Variants in GET4 observed in about 807,000 individuals in gnomAD.
GET4 encodes the protein Golgi to ER traffic protein 4 homolog.
Under a neutral mutation model 40.0 loss-of-function variants are expected in GET4, and 20 were observed. The ratio of observed to expected loss-of-function variants is 0.50; its 90% confidence interval spans 0.35 to 0.73. The LOEUF is 0.73. Ranked by LOEUF, GET4 falls within the 30% of genes least tolerant of loss-of-function variation. The pLI is 0.01. For synonymous variants in GET4, 280 were observed against 194.6 expected, an observed-to-expected ratio of 1.44 and a Z score of -3.65; for missense variants, 557 against 454.0, an observed-to-expected ratio of 1.23 and a Z score of -2.06.
intron 1 of GET4, among the ~76,000 whole-genome samples, chr7:877,540 C>G (rs1291655121): frequency 8.8e-6 from 1 of 113,126 alleles, no homozygotes; most frequent in African/African-American, 3.7e-5. Context: ...AACCCCGGCT[C>G]TCTCCCCAGC....
At chr7:881,196 T>C (rs1033985162) in intron 1 of GET4, 3 of 152,194 alleles carry the variant, frequency 2.0e-5, no homozygotes, top group Non-Finnish European at 4.4e-5. Context: ...TCAATAAATA[T>C]ATGTAATTGC....
At chr7:888,875 C>G (rs1007688069) in intron 4 of GET4, among the ~76,000 whole-genome samples, 1 of 152,256 alleles carries the variant, frequency 6.6e-6, no homozygotes. Context: ...GAGCTGCCCC[C>G]ACCCCCTGCC....
At chr7:887,026 A>G (rs12374723) in intron 3 of GET4, 10,591 of 533,250 alleles carry the variant, frequency 0.02, 419 homozygotes, top group East Asian at 0.15. Context: ...GCCTGGCTGC[A>G]AGTCCCACTC....
intron 8 of GET4, among the ~76,000 whole-genome samples, chr7:895,120 G>A (rs1331379553): frequency 2.0e-5 from 3 of 151,986 alleles, no homozygotes; most frequent in Non-Finnish European, 4.4e-5. Flanking sequence ...GTCCCCCGTG[G>A]CTGCTCCATG....
At chr7:878,982 C>A (rs559398124) in intron 1 of GET4, among the ~76,000 whole-genome samples, 2 of 152,028 alleles carry the variant, frequency 1.3e-5, no homozygotes, top group African/African-American at 4.8e-5. Context: ...AGACACCCCC[C>A]CCCGAGTAGA....
Position 886,060 on chromosome 7 carries a change from A to G in GET4, c.160A>G (p.Met54Val), listed in dbSNP as rs201433067. 31 of 1,596,564 alleles carry G rather than the reference A, an allele frequency of 1.9e-5. No individual in the cohort carries two copies. In the South Asian group the frequency reaches 2.5e-4, roughly 13 times the overall value. The change falls in exon 2 of 9, where the codon ATG (methionine) becomes GTG (valine). Residue 54 changes from methionine to valine, a missense_variant. Transcript: ENST00000265857. ...QMYRTLFFRY[M>V]SQSKHTEARE... Reference sequence around the variant, plus strand: ...ACGGTCTCCTCTCTGTGGCAGGTACATGTCCCAGAGCAAGCACACGGAGGC... The same window carrying G: ...ACGGTCTCCTCTCTGTGGCAGGTACGTGTCCCAGAGCAAGCACACGGAGGC...
In GET4 at chr7:884,620, G is replaced by T; in HGVS notation, c.156-1436G>T. The T allele has an allele frequency of 1.2e-5, 3 of 248,510 alleles. No homozygotes were observed. The South Asian group carries it at 1.2e-4, about 10-fold the overall frequency. The allele number at this position is 248,510 out of a possible 1,614,324, so 15.4% of individuals were successfully genotyped here. A position where few individuals can be genotyped will look rare whatever the true frequency, so the allele number is the denominator to read the frequency against. Reference sequence around the variant, plus strand: ...GATGTGGCGGGGCTGTCTGTGTTTGGGGTCCCTGGCTGTGGTGCCTTCTGA... The same window carrying T: ...GATGTGGCGGGGCTGTCTGTGTTTGTGGTCCCTGGCTGTGGTGCCTTCTGA... On this transcript the variant is annotated intron_variant, in intron 1 of 8. Coordinates refer to ENST00000265857, the MANE Select transcript of GET4 (RefSeq NM_015949.3).
At chr7:895,079 G>GT (rs1203264345) in intron 8 of GET4, among the ~76,000 whole-genome samples, 2 of 151,468 alleles carry the variant, frequency 1.3e-5, no homozygotes, top group East Asian at 3.9e-4. Context: ...CCATGGCCCC[G>GT]TTGGTGGACG....
rs1371163787 is a variant in GET4, at chr7:876,559, G to A, written c.-87G>A. On this transcript the variant is annotated 5_prime_UTR_variant, in exon 1 of 9. Transcript: ENST00000265857. ...GACTCCTCGCGGGCCACCGTAGAAG[G>A]GCGTCGGGCGGCCGTCGGGACGGAA... 6.4e-6 allele frequency: 7 copies of A among 1,097,790 alleles called. No homozygotes were observed. Among genetic ancestry groups the A allele is most frequent in the Non-Finnish European group, 6.7e-6 (6 of 893,234 alleles). The allele number at this position is 1,097,790 out of a possible 1,614,324, so 68.0% of individuals were successfully genotyped here. A position where few individuals can be genotyped will look rare whatever the true frequency, so the allele number is the denominator to read the frequency against.
Position 892,323 on chromosome 7 carries a change from G to C in GET4, c.651G>C (p.Thr217=), listed in dbSNP as rs11543218. The stretch of plus-strand genomic sequence containing the variant: ...AAAGTAGCGCATCGGTGGTCTTCAC[G>C]ACGTACACCCAGAAGCACCCGTCCA... ...KNKSSASVVF[T]TYTQKHPSIE... is the part of the protein sequence containing the mutation. Residue 217 remains threonine (T), a synonymous_variant, in exon 6 of 9, where the codon ACG becomes ACC. Transcript: ENST00000265857. 1.3e-6 allele frequency: 2 copies of C among 1,595,148 alleles called. No homozygotes were observed. The highest frequency in any genetic ancestry group is 1.1e-5 in the South Asian group (1 of 90,686).
intron 5 of GET4, 50 bp from the exon 6 acceptor site, chr7:892,228 A>G (rs1160543803): frequency 1.1e-5 from 17 of 1,568,526 alleles, no homozygotes; most frequent in Admixed American, 1.8e-5. Flanking sequence ...CTGTGCGGGC[A>G]GAAGCTGTGT....
chr7:879,323 T>G (rs2128626361), intron 1 of GET4, among the ~76,000 whole-genome samples: 1 of 152,322 alleles, frequency 6.6e-6, no homozygotes, highest in South Asian at 2.1e-4. Flanking sequence ...CAAGCGAAGG[T>G]GGACTCAGCA....
At chr7:878,644 T>A (rs1474300159) in intron 1 of GET4, among the ~76,000 whole-genome samples, 2 of 149,698 alleles carry the variant, frequency 1.3e-5, no homozygotes, top group African/African-American at 4.9e-5. Flanking sequence ...AATGGTGGGA[T>A]CTCGGCTCAC....
intron 5 of GET4, among the ~76,000 whole-genome samples, chr7:891,974 G>A (rs528342936): frequency 6.6e-6 from 1 of 152,392 alleles, no homozygotes; most frequent in African/African-American, 2.4e-5. Flanking sequence ...CCTGACCGGT[G>A]CGGGCGGCCT....
chr7:886,875 C>T (rs1440899028), intron 3 of GET4, among the ~76,000 whole-genome samples: 1 of 152,256 alleles, frequency 6.6e-6, no homozygotes, highest in Non-Finnish European at 1.5e-5. Flanking sequence ...GATTCGTAGG[C>T]AGGGCATGAC....
At chr7:878,170 C>T (rs1844006878) in intron 1 of GET4, 5 of 436,500 alleles carry the variant, frequency 1.1e-5, no homozygotes, top group African/African-American at 2.0e-5. Flanking sequence ...AGGGCGAGCG[C>T]GAGCAGAGCT....
Position 876,675 on chromosome 7 carries a change from G to C in GET4, c.30G>C (p.Gln10His). 7.5e-7 allele frequency: 1 copy of C among 1,334,172 alleles called. No homozygotes were observed. Among genetic ancestry groups the C allele is most frequent in the Non-Finnish European group, 9.7e-7 (1 of 1,030,086 alleles). The allele number at this position is 1,334,172 out of a possible 1,614,324, so 82.6% of individuals were successfully genotyped here. A position where few individuals can be genotyped will look rare whatever the true frequency, so the allele number is the denominator to read the frequency against. Residue 10 changes from glutamine (Q) to histidine (H), a missense_variant, in exon 1 of 9, where the codon CAG becomes CAC. Gln to His is a conservative substitution (Grantham distance 24, BLOSUM62 0). Coordinates refer to ENST00000265857, the MANE Select transcript of GET4 (RefSeq NM_015949.3). MAAAAAMAE[Q>H]ESARNGGRNR... is the part of the protein sequence containing the mutation. ...CGGCGGCGGCGGCGATGGCCGAGCA[G>C]GAGAGCGCCCGGAACGGCGGCCGCA...
At position 892,132 on chromosome 7, in the gene GET4, G is replaced by T. The variant is rs544429256; in HGVS notation, c.606-146G>T. 4 of 705,310 alleles carry T rather than the reference G, an allele frequency of 5.7e-6. No homozygotes were observed. The Admixed American group carries it at 6.8e-5, about 12-fold the overall frequency. 43.7% of individuals were successfully genotyped at this position (705,310 alleles called of 1,614,324 possible). ...GTGCCCTGCACATGAGGGAAGACAC[G>T]CGTGAAGCACTGGGTCCCTCCATGG... On this transcript the variant is annotated intron_variant, in intron 5 of 8. Coordinates refer to ENST00000265857, the MANE Select transcript of GET4 (RefSeq NM_015949.3).
At chr7:878,137 C>G (rs1480815008) in intron 1 of GET4, 2 of 393,526 alleles carry the variant, frequency 5.1e-6, no homozygotes, top group African/African-American at 2.1e-5. Context: ...CTCGGTGACA[C>G]CTGCACGGCC....
Sources: gnomAD v4.1 joint callset for allele counts (sites outside exome capture counted in the v4.1 genomes callset) on GRCh38, gnomAD v4.1.1 for gene constraint, MANE v1.5 for transcripts, NCBI Gene and HGNC (gene_info 2026-07-23, HGNC 2026-07-21) for gene names.